KSR2: variants seen among roughly 807,000 people sequenced by gnomAD.
The protein encoded by KSR2 is kinase suppressor of ras 2.
Under a neutral mutation model 107.8 loss-of-function variants are expected in KSR2, and 25 were observed. The observed-to-expected ratio is 0.23, with a 90% CI of 0.17 to 0.32. The LOEUF is 0.32. Ranked by LOEUF, KSR2 falls within the 10% of genes least tolerant of loss-of-function variation. The pLI, the probability that KSR2 is intolerant of heterozygous loss-of-function variation, is 1.00. For synonymous variants in KSR2, 480 were observed against 507.0 expected (o/e 0.95, Z 0.71); for missense variants, 887 against 1,268.9 (o/e 0.70, Z 4.57).
rs1449263611 is a variant in KSR2 at position 117,884,936 on chromosome 12, C to T, written c.181-24505G>A. On this transcript the variant is annotated intron_variant, in intron 1 of 19. Transcript: ENST00000339824. ...CCATAGCACCTGCCGTGTAGGAAAA[C>T]TGCACAGAACTAACACCTTTCTGTC... is the stretch of plus-strand genomic sequence containing the variant. Among the ~76,000 whole-genome samples, 3 of 152,272 alleles carry T rather than the reference C, an allele frequency of 2.0e-5. No homozygotes were observed. In the East Asian group the frequency reaches 5.8e-4, roughly 29 times the overall value.
At chr12:117,835,437 T>C (rs1045006079) in intron 3 of KSR2, among the ~76,000 whole-genome samples, 2 of 152,082 alleles carry the variant, frequency 1.3e-5, no homozygotes, top group African/African-American at 4.8e-5. Flanking sequence ...AAACCCCAAC[T>C]CAGTTATGGT....
intron 1 of KSR2, among the ~76,000 whole-genome samples, chr12:117,871,520 G>A (rs371506319): frequency 2.0e-5 from 3 of 151,960 alleles, no homozygotes; most frequent in Admixed American, 1.3e-4. Flanking sequence ...CTCAGGAGGC[G>A]GAGGTTGCAG....
At chr12:117,694,744 C>CAA (rs1267233170) in intron 4 of KSR2, among the ~76,000 whole-genome samples, 1 of 149,852 alleles carries the variant, frequency 6.7e-6, no homozygotes, top group Non-Finnish European at 1.5e-5. Flanking sequence ...CAGCCTTAGA[C>CAA]AAAAAAGGAA....
At chr12:117,645,883 G>A (rs1203664888) in intron 5 of KSR2, among the ~76,000 whole-genome samples, 1,934 of 149,262 alleles carry the variant, frequency 0.013, 41 homozygotes, top group African/African-American at 0.046. Flanking sequence ...GTGTGTGTGT[G>A]TGTGTGTGTG....
At chr12:117,518,789 G>C (rs1182202863) in intron 14 of KSR2, among the ~76,000 whole-genome samples, 1 of 152,170 alleles carries the variant, frequency 6.6e-6, no homozygotes, top group Non-Finnish European at 1.5e-5. Flanking sequence ...TGCACCTGCA[G>C]TACCTCTACC....
intron 3 of KSR2, among the ~76,000 whole-genome samples, chr12:117,807,838 TAAC>T (rs1891063690): frequency 6.6e-6 from 1 of 152,182 alleles, no homozygotes; most frequent in East Asian, 1.9e-4. Flanking sequence ...TAAACAAGAA[TAAC>T]AACACCTGAA....
rs571403848 is a variant in KSR2, at chr12:117,756,354, A to G, written c.986+4657T>C. Among the ~76,000 whole-genome samples the G allele has an allele frequency of 1.2e-4, 18 of 152,346 alleles. 1 individual carries two copies. The Middle Eastern group carries it at 0.01, about 86-fold the overall frequency. On this transcript the variant is annotated intron_variant, in intron 4 of 19. Transcript: ENST00000339824. ...GCTGGTGACTTTTAAGCTGAAGCCA[A>G]TGCTCATTTATCATGCCAAAAATTC... is the stretch of plus-strand genomic sequence containing the variant.
intron 3 of KSR2, among the ~76,000 whole-genome samples, chr12:117,853,407 A>G (rs947269120): frequency 2.0e-5 from 3 of 152,132 alleles, no homozygotes; most frequent in African/African-American, 4.8e-5. Flanking sequence ...CAGTGGTACT[A>G]TCTCAGCTTG....
intron 4 of KSR2, among the ~76,000 whole-genome samples, chr12:117,730,797 C>T (rs12297306): frequency 0.19 from 28,831 of 152,178 alleles, 2,874 homozygotes; most frequent in East Asian, 0.3. Context: ...GACGGAGTCT[C>T]GCTCACTCAG....
chr12:117,652,177 G>A (rs776336977), intron 5 of KSR2, among the ~76,000 whole-genome samples: 17 of 152,102 alleles, frequency 1.1e-4, no homozygotes, highest in Non-Finnish European at 2.1e-4. Context: ...GGAGGGGGGC[G>A]AGGGATGAAA....
intron 5 of KSR2, among the ~76,000 whole-genome samples, chr12:117,619,166 C>A (rs1882036710): frequency 6.6e-6 from 1 of 151,828 alleles, no homozygotes; most frequent in Non-Finnish European, 1.5e-5. Context: ...TCTTTCCTGG[C>A]AACATTTCTT....
intron 1 of KSR2, among the ~76,000 whole-genome samples, chr12:117,896,035 G>A (rs942145458): frequency 1.3e-5 from 2 of 152,188 alleles, no homozygotes; most frequent in Non-Finnish European, 2.9e-5. Flanking sequence ...CTCCATCCTG[G>A]GCTAAGAGTG....
rs764099952 is a variant in KSR2, at chr12:117,870,587, C to A, written c.181-10156G>T. ...GTACTCCAGCCTGGGCAAGACGGAGCGAGACACTGTCTCAAAAAGAAAAGA... is the reference window on the plus strand; with the variant it reads ...GTACTCCAGCCTGGGCAAGACGGAGAGAGACACTGTCTCAAAAAGAAAAGA... On this transcript the variant is annotated intron_variant, in intron 1 of 19. Transcript: ENST00000339824. Among the ~76,000 whole-genome samples the A allele has an allele frequency of 2.6e-5, 4 of 151,520 alleles. 1 individual carries two copies. The East Asian group carries it at 5.8e-4, about 22-fold the overall frequency.
chr12:117,468,961 A>T (rs1592900995), intron 19 of KSR2, among the ~76,000 whole-genome samples: 1 of 152,112 alleles, frequency 6.6e-6, no homozygotes, highest in South Asian at 2.1e-4. Context: ...AACCATGAAT[A>T]CCTGGGAGCA....
chr12:117,784,405 C>T (rs1028968954), intron 3 of KSR2, among the ~76,000 whole-genome samples: 1 of 152,210 alleles, frequency 6.6e-6, no homozygotes, highest in East Asian at 1.9e-4. Context: ...ATTGTGAGGC[C>T]TCCCCAGCCA....
intron 4 of KSR2, among the ~76,000 whole-genome samples, chr12:117,711,690 T>C (rs1289682640): frequency 6.6e-6 from 1 of 152,254 alleles, no homozygotes; most frequent in Admixed American, 6.5e-5. Flanking sequence ...ACTTTGGCTA[T>C]ACTTCTTGCT....
Position 117,667,646 on chromosome 12 carries a change from C to T in KSR2, c.999G>A (p.Lys333=). The part of the protein sequence containing the change: ...DEAHTPKAKK[K]SKPLNLKIHS... ...GGATCTTGAGGTTCAAGGGTTTGCTCTTCTTCTTGGCTCTGAAAGGGAGAC... is the reference window on the plus strand; with the variant it reads ...GGATCTTGAGGTTCAAGGGTTTGCTTTTCTTCTTGGCTCTGAAAGGGAGAC... The change falls in exon 5 of 20, where the codon AAG becomes AAA. Residue 333 remains lysine, a synonymous_variant. Coordinates refer to ENST00000339824, the MANE Select transcript of KSR2 (RefSeq NM_173598.6). The T allele has an allele frequency of 1.3e-6, 2 of 1,584,666 alleles. No homozygotes were observed. The highest frequency in any genetic ancestry group is 1.7e-6 in the Non-Finnish European group (2 of 1,166,836).
rs759892369 is a variant in KSR2, at chr12:117,856,683, G to A, written c.322-1105C>T. Among the ~76,000 whole-genome samples the A allele has an allele frequency of 2.6e-5, 4 of 152,118 alleles. No individual in the cohort carries two copies. In the East Asian group the frequency reaches 5.8e-4, roughly 22 times the overall value. On this transcript the variant is annotated intron_variant, in intron 2 of 19. Transcript: ENST00000339824. ...GTAGAGACAGGGTTTCACCATGTTG[G>A]CCAGGCTGGTCTCAAACTCCTGACC...
chr12:117,793,173 T>TAC lies in KSR2; in HGVS notation c.473-31651_473-31650dup, dbSNP rs548202727. On this transcript the variant is annotated intron_variant, in intron 3 of 19. Transcript: ENST00000339824. ...ACCAATATGCACGCACACCAACATGTACACACACCAATGTGCACACATACA... is the reference window on the plus strand; with the variant it reads ...ACCAATATGCACGCACACCAACATGTACACACACACCAATGTGCACACATACA... Among the ~76,000 whole-genome samples, 186 of 118,306 alleles carry TAC rather than the reference T, an allele frequency of 1.6e-3. 4 individuals carry two copies. The South Asian group carries it at 0.031, about 20-fold the overall frequency. The allele number at this position is 118,306 out of a possible 152,430, so 77.6% of individuals were successfully genotyped here. A position where few individuals can be genotyped will look rare whatever the true frequency, so the allele number is the denominator to read the frequency against.
Sources: allele counts gnomAD v4.1 joint callset (sites outside exome capture counted in the v4.1 genomes callset), GRCh38; gene constraint gnomAD v4.1.1; transcripts MANE v1.5; gene names NCBI Gene and HGNC (gene_info 2026-07-23, HGNC 2026-07-21).